Variants in DNM2 observed in about 807,000 individuals in gnomAD.
DNM2 encodes dynamin-2.
Under a neutral mutation model 99.0 loss-of-function variants are expected in DNM2, and 15 were observed. The ratio of observed to expected loss-of-function variants is 0.15; its 90% CI spans 0.10 to 0.23. The LOEUF is 0.23. Among genes scored for constraint, DNM2 ranks in the 10% least tolerant of loss-of-function variants. The pLI is 1.00. For synonymous variants in DNM2, 525 were observed against 481.2 expected (o/e 1.09, Z -1.19); for missense variants, 742 against 1,189.4 (o/e 0.62, Z 5.53).
intron 17 of DNM2, 112 bp from the exon 18 acceptor site, chr19:10,824,943 CAG>C (rs1264518900): frequency 1.3e-6 from 2 of 1,559,402 alleles, no homozygotes; most frequent in Admixed American, 1.7e-5. Context: ...GTGGGGCTGT[CAG>C]GGGCCAGCCT....
At chr19:10,826,998 C>G (rs2073161871) in intron 18 of DNM2, among the ~76,000 whole-genome samples, 1 of 152,126 alleles carries the variant, frequency 6.6e-6, no homozygotes, top group Non-Finnish European at 1.5e-5. Flanking sequence ...CATCTGTACT[C>G]CCAGCACTTT....
At chr19:10,756,936 C>T (rs1599488000) in intron 1 of DNM2, among the ~76,000 whole-genome samples, 1 of 152,264 alleles carries the variant, frequency 6.6e-6, no homozygotes, top group East Asian at 1.9e-4. Flanking sequence ...TGCTCCTGCC[C>T]TCTCCTCTGC....
chr19:10,761,123 G>A (rs1462940891), intron 2 of DNM2, among the ~76,000 whole-genome samples: 1 of 151,790 alleles, frequency 6.6e-6, no homozygotes, highest in African/African-American at 2.4e-5. Context: ...TGAGTTGCTG[G>A]GACTACAGGT....
At chr19:10,729,181 A>AAT (rs2069216808) in intron 1 of DNM2, among the ~76,000 whole-genome samples, 2 of 123,832 alleles carry the variant, frequency 1.6e-5, no homozygotes, top group East Asian at 2.2e-4. Context: ...AAAAAAAAAA[A>AAT]AAAAAAAAAT....
chr19:10,723,132 ATTTT>A (rs1203412676), intron 1 of DNM2, among the ~76,000 whole-genome samples: 3 of 113,922 alleles, frequency 2.6e-5, no homozygotes, highest in African/African-American at 6.8e-5. Flanking sequence ...CACCTGGCTA[ATTTT>A]TTTTTTTTTT....
intron 13 of DNM2, among the ~76,000 whole-genome samples, chr19:10,808,253 G>A (rs1301205438): frequency 6.6e-6 from 1 of 152,118 alleles, no homozygotes; most frequent in Non-Finnish European, 1.5e-5. Flanking sequence ...ACTCCACCAT[G>A]TACCTTGCAC....
chr19:10,826,237 G>A (rs1199079161), intron 18 of DNM2, among the ~76,000 whole-genome samples: 4 of 152,208 alleles, frequency 2.6e-5, no homozygotes, highest in Admixed American at 6.5e-5. Flanking sequence ...GCAGGAGGGA[G>A]AACGGCCATC....
Position 10,830,914 on chromosome 19 carries a change from C to T in DNM2, c.2544-64C>T. The T allele has an allele frequency of 6.4e-7, 1 of 1,552,952 alleles. No individual in the cohort carries two copies. Among genetic ancestry groups the T allele is most frequent in the Non-Finnish European group, 8.7e-7 (1 of 1,145,552 alleles). Reference sequence around the variant, plus strand: ...TGGGGGCTGGGTCCTCAACCCAGGCCTGCCTCTTGCTCCCGGCCTCACTGC... The same window carrying T: ...TGGGGGCTGGGTCCTCAACCCAGGCTTGCCTCTTGCTCCCGGCCTCACTGC... On this transcript the variant is annotated intron_variant, in intron 20 of 20. Transcript: ENST00000389253. The surrounding 1 kb of genome is among the most constrained non-coding windows in gnomAD (Gnocchi z 4.8).
intron 1 of DNM2, among the ~76,000 whole-genome samples, chr19:10,732,586 C>T (rs896865146): frequency 3.3e-5 from 5 of 151,732 alleles, no homozygotes; most frequent in South Asian, 2.1e-4. Context: ...GGTGATAGAG[C>T]GAGACTCCGT....
chr19:10,776,172 G>C (rs953509894), intron 4 of DNM2, among the ~76,000 whole-genome samples: 8 of 152,166 alleles, frequency 5.3e-5, no homozygotes, highest in African/African-American at 1.9e-4. Context: ...GCTGAAGGAA[G>C]GGCCCAGCGC....
At chr19:10,722,056 C>G (rs2068958302) in intron 1 of DNM2, among the ~76,000 whole-genome samples, 2 of 152,118 alleles carry the variant, frequency 1.3e-5, no homozygotes, top group Non-Finnish European at 2.9e-5. Context: ...AACTGGTACC[C>G]TGGGGCCTAG....
chr19:10,831,199 G>A lies in DNM2; in HGVS notation c.*152G>A, dbSNP rs967051310. ...TTAACGCTGGCCCCGGTCCAGGGCC[G>A]GCCCCTGTGCCTGGCTGGACACCGC... On this transcript the variant is annotated 3_prime_UTR_variant, in exon 21 of 21. Transcript: ENST00000389253. The surrounding 1 kb of genome is among the most constrained non-coding windows in gnomAD (Gnocchi z 4.3). The A allele has an allele frequency of 6.4e-5, 90 of 1,398,208 alleles. No individual in the cohort carries two copies. The highest frequency in any genetic ancestry group is 3.7e-4 in the East Asian group (13 of 35,410). The allele number at this position is 1,398,208 out of a possible 1,614,324, so 86.6% of individuals were successfully genotyped here. A position where few individuals can be genotyped will look rare whatever the true frequency, so the allele number is the denominator to read the frequency against.
Position 10,755,640 on chromosome 19 carries a change from TC to T in DNM2, c.162-4097del, listed in dbSNP as rs1262002374. ...CACACCCGGCCAGGGTTTTTTTTTGTCTTTTTTTTTTTGTATTTTGTATTGT... is the reference window on the plus strand; with the variant it reads ...CACACCCGGCCAGGGTTTTTTTTTGTTTTTTTTTTTTGTATTTTGTATTGT... On this transcript the variant is annotated intron_variant, in intron 1 of 20. Coordinates refer to ENST00000389253, the MANE Select transcript of DNM2 (RefSeq NM_001005361.3). Among the ~76,000 whole-genome samples the T allele has an allele frequency of 1.4e-4, 21 of 149,390 alleles. No individual in the cohort carries two copies. In the East Asian group the frequency reaches 3.9e-3, roughly 28 times the overall value.
chr19:10,799,706 G>A (rs1257589748), intron 11 of DNM2, among the ~76,000 whole-genome samples: 3 of 151,936 alleles, frequency 2.0e-5, no homozygotes, highest in African/African-American at 4.8e-5. Flanking sequence ...CCTAATTTTT[G>A]TATTTTTAGT....
In DNM2 at chr19:10,816,791, T is replaced by G. The variant is rs1394572586; in HGVS notation, c.1672-3189T>G. On this transcript the variant is annotated intron_variant, in intron 15 of 20. Coordinates refer to ENST00000389253, the MANE Select transcript of DNM2 (RefSeq NM_001005361.3). The surrounding 1 kb of genome is among the most constrained non-coding windows in gnomAD (Gnocchi z 4.6). ...TGGGCCTGAACCTCAGCCTGGCAGC[T>G]CTCTGCCTGGCAGCATTGCAAGTCT... is the stretch of plus-strand genomic sequence containing the variant. Among the ~76,000 whole-genome samples the G allele has an allele frequency of 6.6e-6, 1 of 152,146 alleles. No homozygotes were observed. The highest frequency in any genetic ancestry group is 2.4e-5 in the African/African-American group (1 of 41,430).
Position 10,784,488 on chromosome 19 carries a change from A to G in DNM2, c.849+1368A>G, listed in dbSNP as rs1176630913. On this transcript the variant is annotated intron_variant, in intron 6 of 20. Transcript: ENST00000389253. ...GGGCCTCCTGAGAGCCAGCAGTGAA[A>G]AGTCCAGCTGGCCTCCAGGGAGCCT... Among the ~76,000 whole-genome samples the G allele has an allele frequency of 3.3e-5, 5 of 152,250 alleles. No individual in the cohort carries two copies. In the East Asian group the frequency reaches 9.7e-4, roughly 29 times the overall value.
At position 10,764,305 on chromosome 19, in the gene DNM2, G is replaced by C. The variant is rs536744211; in HGVS notation, c.235+4494G>C. ...GGCACCCCATTGGCTGTGGTATGCTGTCTCTTCCTGTGGGGTCTGATGTCC... is the reference window on the plus strand; with the variant it reads ...GGCACCCCATTGGCTGTGGTATGCTCTCTCTTCCTGTGGGGTCTGATGTCC... On this transcript the variant is annotated intron_variant, in intron 2 of 20. Coordinates refer to ENST00000389253, the MANE Select transcript of DNM2 (RefSeq NM_001005361.3). The surrounding 1 kb of genome is among the most constrained non-coding windows in gnomAD (Gnocchi z 4.1). 2.0e-5 allele frequency among the ~76,000 whole-genome samples: 3 copies of C among 152,330 alleles called. No individual in the cohort carries two copies. Among genetic ancestry groups the C allele is most frequent in the South Asian group, 2.1e-4 (1 of 4,830 alleles).
At chr19:10,743,652 T>C (rs538535158) in intron 1 of DNM2, among the ~76,000 whole-genome samples, 16 of 151,394 alleles carry the variant, frequency 1.1e-4, no homozygotes, top group Non-Finnish European at 2.4e-4. Context: ...CTACTAAAAA[T>C]ACAAAAAATT....
Position 10,796,006 on chromosome 19 carries a change from A to G in DNM2, c.1196+567A>G, listed in dbSNP as rs776252504. The G allele has an allele frequency of 6.7e-5, 108 of 1,611,202 alleles. No individual in the cohort carries two copies. Among genetic ancestry groups the G allele is most frequent in the Middle Eastern group, 2.2e-4 (1 of 4,534 alleles). The stretch of plus-strand genomic sequence containing the variant: ...GCCAGGGCCAATGAAATTGCTGACC[A>G]TGCTTTGTTTCTCTCTGACTTATCT... On this transcript the variant is annotated intron_variant, in intron 9 of 20. Coordinates refer to ENST00000389253, the MANE Select transcript of DNM2 (RefSeq NM_001005361.3). This position sits in a 1 kb window ranked among gnomAD's most constrained non-coding sequence, Gnocchi z 5.6.
Sources: allele counts gnomAD v4.1 joint callset (sites outside exome capture counted in the v4.1 genomes callset), GRCh38; gene constraint gnomAD v4.1.1; non-coding constraint Gnocchi (gnomAD v3.1); transcripts MANE v1.5; gene names NCBI Gene and HGNC (gene_info 2026-07-23, HGNC 2026-07-21).